Variants in PHF8 observed in about 807,000 individuals in gnomAD.
PHF8 encodes the protein histone lysine demethylase PHF8.
A neutral mutation model predicts 74.4 loss-of-function variants in PHF8; 9 were observed. The observed-to-expected ratio is 0.12, with a 90% CI of 0.07 to 0.21. The LOEUF (loss-of-function observed/expected upper bound fraction) is 0.21, where lower values mean the gene tolerates loss of function less well. Ranked by LOEUF, PHF8 falls within the 10% of genes least tolerant of loss-of-function variation. The pLI, the probability that PHF8 is intolerant of heterozygous loss-of-function variation, is 1.00. For missense variants in PHF8, 478 were observed against 816.6 expected, an observed-to-expected ratio of 0.59 and a Z score of 5.05; for synonymous variants, 311 against 316.6, an observed-to-expected ratio of 0.98 and a Z score of 0.19.
At chrX:54,006,027 G>C (rs1468801326) in intron 8 of PHF8, among the ~76,000 whole-genome samples, 1 of 112,259 alleles carries the variant, frequency 8.9e-6, no homozygotes, top group East Asian at 2.8e-4. Context: ...TTGTGATACA[G>C]TTCTCAACAT....
chrX:54,031,572 C>G (rs1330026128), intron 2 of PHF8, among the ~76,000 whole-genome samples: 1 of 106,802 alleles, frequency 9.4e-6, no homozygotes, highest in Non-Finnish European at 1.9e-5. Context: ...CACAGACAGA[C>G]TGTTCTATCT....
At chrX:54,020,501 T>C (rs1338417812) in intron 4 of PHF8, among the ~76,000 whole-genome samples, 3 of 111,571 alleles carry the variant, frequency 2.7e-5, no homozygotes, top group Non-Finnish European at 5.6e-5. Flanking sequence ...TGATCTCAAA[T>C]ATATATTTTT....
chrX:53,999,620 T>C (rs1237964271), intron 11 of PHF8: 3 of 354,435 alleles, frequency 8.5e-6, no homozygotes, highest in Non-Finnish European at 9.9e-6. Context: ...GTAAAAATCA[T>C]AGGTGATAAT....
chrX:53,971,072 T>C (rs782096683), intron 18 of PHF8, among the ~76,000 whole-genome samples: 1 of 111,335 alleles, frequency 9.0e-6, no homozygotes, highest in African/African-American at 3.3e-5. Context: ...CACTTTAAAA[T>C]TGATCACATA....
rs370051814 is a variant in PHF8 at position 53,980,838 on chromosome X, A to C, written c.2443+4076T>G. ...AACCAAAGAAGAGATACATACAAGA[A>C]GACCTGAATAAATAGAGACAGACTA... On this transcript the variant is annotated intron_variant, in intron 18 of 21. Coordinates refer to ENST00000338154, the MANE Select transcript of PHF8 (RefSeq NM_015107.3). Among the ~76,000 whole-genome samples the C allele has an allele frequency of 2.2e-4, 25 of 112,975 alleles. No homozygotes were observed. The East Asian group carries it at 3.1e-3, about 14-fold the overall frequency.
At chrX:53,957,787 T>C (rs1040000042) in intron 19 of PHF8, among the ~76,000 whole-genome samples, 2 of 111,636 alleles carry the variant, frequency 1.8e-5, no homozygotes, top group African/African-American at 6.5e-5. Context: ...TCAGCATGCC[T>C]GTCCCTTTTT....
chrX:53,988,124 A>T (rs1326274157), intron 14 of PHF8, among the ~76,000 whole-genome samples, 180 bp from the exon 15 acceptor site: 1 of 112,025 alleles, frequency 8.9e-6, no homozygotes, highest in African/African-American at 3.2e-5. Context: ...TAACACAGCC[A>T]AAATAATTTT....
At chrX:54,038,291 A>G (rs1557114934) in intron 2 of PHF8, among the ~76,000 whole-genome samples, 1 of 112,428 alleles carries the variant, frequency 8.9e-6, no homozygotes, top group African/African-American at 3.2e-5. Context: ...TTAAAAAAGA[A>G]TAATATAAAA....
At chrX:54,031,312 C>G (rs782145786) in intron 2 of PHF8, among the ~76,000 whole-genome samples, 1 of 110,529 alleles carries the variant, frequency 9.0e-6, no homozygotes, top group Admixed American at 9.7e-5. Flanking sequence ...TCTCCTCAAC[C>G]TCTGCCTTCT....
intron 2 of PHF8, among the ~76,000 whole-genome samples, chrX:54,031,169 T>G (rs894936389): frequency 4.5e-5 from 5 of 111,383 alleles, no homozygotes; most frequent in African/African-American, 1.6e-4. Context: ...GTGGGGTGAT[T>G]AATACAGTCA....
Position 54,044,466 on chromosome X carries a change from C to T in PHF8, c.-797G>A. 1.3e-6 allele frequency: 1 copy of T among 741,074 alleles called. No individual in the cohort carries two copies. Among genetic ancestry groups the T allele is most frequent in the African/African-American group, 2.3e-5 (1 of 43,787 alleles). 61.1% of individuals were successfully genotyped at this position (741,074 alleles called of 1,213,427 possible). On this transcript the variant is annotated 5_prime_UTR_variant, in exon 1 of 22. Transcript: ENST00000338154. Reference sequence around the variant, plus strand: ...CGACCGCCATCTTATGAGGGCTGGACTCGCGAGGTGAGCGCGGCGGAGGCG... The same window carrying T: ...CGACCGCCATCTTATGAGGGCTGGATTCGCGAGGTGAGCGCGGCGGAGGCG...
chrX:54,044,919 C>A (rs2066620001), upstream of PHF8: 11 of 1,134,157 alleles, frequency 9.7e-6, no homozygotes, highest in Non-Finnish European at 1.3e-5. Flanking sequence ...TGGGCTCTTT[C>A]CCACGGTCTC....
At chrX:53,982,068 G>A (rs913808898) in intron 18 of PHF8, among the ~76,000 whole-genome samples, 3 of 112,400 alleles carry the variant, frequency 2.7e-5, no homozygotes, top group Admixed American at 1.9e-4. Flanking sequence ...GGGCAAAGTA[G>A]GGAGGCGAAG....
chrX:53,943,696 T>C (rs1339444438), intron 20 of PHF8, among the ~76,000 whole-genome samples: 4 of 111,809 alleles, frequency 3.6e-5, no homozygotes, highest in Non-Finnish European at 7.5e-5. Flanking sequence ...TGGGTGAAGA[T>C]TAAGATAATA....
intron 7 of PHF8, among the ~76,000 whole-genome samples, chrX:54,013,004 G>T (rs893520683): frequency 9.2e-6 from 1 of 108,847 alleles, no homozygotes; most frequent in African/African-American, 3.3e-5. Flanking sequence ...TATAGTCCCA[G>T]CTACTCAGGA....
intron 18 of PHF8, among the ~76,000 whole-genome samples, chrX:53,963,360 A>C (rs2149796853): frequency 8.9e-6 from 1 of 112,083 alleles, no homozygotes; most frequent in South Asian, 3.7e-4. Context: ...AGAGCTGATT[A>C]GCAAATCTGT....
Position 53,985,962 on chromosome X carries a change from G to C in PHF8, c.1996-13C>G. 3 of 1,208,275 alleles carry C rather than the reference G, an allele frequency of 2.5e-6. No individual in the cohort carries two copies. The highest frequency in any genetic ancestry group is 3.4e-6 in the Non-Finnish European group (3 of 892,579). ...TTGTATAGTCCTCCTGTTGGAGAGA[G>C]AGTGTATCACCTCAGCTGCCCAGGA... On this transcript the variant is annotated splice_polypyrimidine_tract_variant and intron_variant, in intron 16 of 21. Coordinates refer to ENST00000338154, the MANE Select transcript of PHF8 (RefSeq NM_015107.3).
Position 54,016,577 on chromosome X carries a change from T to A in PHF8, c.596+18A>T. ...CAGGCACTTTGTCAGGTTTTTTTGT[T>A]ATTCCTGCACCTCTTACCTGGTATC... On this transcript the variant is annotated intron_variant, in intron 6 of 21. Coordinates refer to ENST00000338154, the MANE Select transcript of PHF8 (RefSeq NM_015107.3). 1 of 1,196,778 alleles carries A rather than the reference T, an allele frequency of 8.4e-7. No individual in the cohort carries two copies. Among genetic ancestry groups the A allele is most frequent in the Admixed American group, 2.2e-5 (1 of 45,916 alleles).
intron 8 of PHF8, among the ~76,000 whole-genome samples, chrX:54,003,370 A>T (rs1436522628): frequency 1.8e-5 from 2 of 111,977 alleles, no homozygotes; most frequent in African/African-American, 3.2e-5. Context: ...TAAAATATAA[A>T]TTAGGGTCAG....
Sources: gnomAD v4.1 joint callset for allele counts (sites outside exome capture counted in the v4.1 genomes callset) on GRCh38, gnomAD v4.1.1 for gene constraint, MANE v1.5 for transcripts, NCBI Gene and HGNC (gene_info 2026-07-23, HGNC 2026-07-21) for gene names.